The following EDIL3 variants were observed in gnomAD, a reference collection of about 807,000 sequenced individuals.
EDIL3 encodes the protein EGF-like repeat and discoidin I-like domain-containing protein 3.
In EDIL3, 37 loss-of-function variants were observed where a neutral mutation model predicts 67.4. That is an observed-to-expected ratio of 0.55 (90% CI 0.42 to 0.72). The LOEUF is 0.72. Ranked by LOEUF, EDIL3 falls within the 30% of genes least tolerant of loss-of-function variation. EDIL3 has a pLI of 0.00. For synonymous variants in EDIL3, 195 were observed against 196.3 expected, an observed-to-expected ratio of 0.99 and a Z score of 0.05; for missense variants, 527 against 586.3, an observed-to-expected ratio of 0.90 and a Z score of 1.04.
At chr5:84,145,891 C>T in intron 4 of EDIL3, among the ~76,000 whole-genome samples, 1 of 151,912 alleles carries the variant, frequency 6.6e-6, no homozygotes, top group Non-Finnish European at 1.5e-5. Flanking sequence ...TTTTTTCTTC[C>T]CTTTCCTATG....
chr5:84,374,325 T>TGA (rs1747920052), intron 1 of EDIL3, among the ~76,000 whole-genome samples: 2 of 152,174 alleles, frequency 1.3e-5, no homozygotes, highest in Admixed American at 1.3e-4. Context: ...ACTTACTCCT[T>TGA]GAATTCCAGG....
At chr5:84,325,458 G>A (rs1001623512) in intron 1 of EDIL3, among the ~76,000 whole-genome samples, 3 of 151,538 alleles carry the variant, frequency 2.0e-5, no homozygotes, top group African/African-American at 7.3e-5. Context: ...CCATTAGGAT[G>A]ATTATAATAA....
intron 3 of EDIL3, among the ~76,000 whole-genome samples, chr5:84,208,925 T>C (rs1744051621): frequency 6.6e-6 from 1 of 151,526 alleles, no homozygotes; most frequent in Admixed American, 6.6e-5. Flanking sequence ...CACATGCACA[T>C]CTATGTTTAT....
chr5:84,352,191 G>A (rs543337890), intron 1 of EDIL3, among the ~76,000 whole-genome samples: 32 of 152,206 alleles, frequency 2.1e-4, no homozygotes, highest in Non-Finnish European at 3.2e-4. Flanking sequence ...TTGGTGAAAT[G>A]TAAATTAGTA....
chr5:84,066,753 G>T, intron 6 of EDIL3, 147 bp from the exon 7 acceptor site: 1 of 1,048,516 alleles, frequency 9.5e-7, no homozygotes, highest in Non-Finnish European at 1.3e-6. Flanking sequence ...GTTTACAATA[G>T]GCATATATTA....
intron 5 of EDIL3, among the ~76,000 whole-genome samples, chr5:84,112,709 C>T (rs1047148344): frequency 6.6e-6 from 1 of 152,188 alleles, no homozygotes; most frequent in East Asian, 1.9e-4. Context: ...AACTCATCCA[C>T]ATGTTTATGT....
At chr5:84,349,271 T>G (rs1346686327) in intron 1 of EDIL3, among the ~76,000 whole-genome samples, 1 of 152,154 alleles carries the variant, frequency 6.6e-6, no homozygotes, top group Admixed American at 6.6e-5. Flanking sequence ...GGAGTTTAAT[T>G]GACAATAGCC....
intron 6 of EDIL3, among the ~76,000 whole-genome samples, chr5:84,098,100 G>GA (rs34968983): frequency 0.016 from 2,184 of 139,138 alleles, 20 homozygotes; most frequent in African/African-American, 0.031. Context: ...CTAGAAATCT[G>GA]AAAAAAAAAA....
At chr5:84,219,919 T>C (rs1321521310) in intron 3 of EDIL3, among the ~76,000 whole-genome samples, 1 of 151,646 alleles carries the variant, frequency 6.6e-6, no homozygotes, top group Non-Finnish European at 1.5e-5. Flanking sequence ...TTTACGGAGA[T>C]AGAGAGTAGA....
chr5:84,106,791 G>C lies in EDIL3; in HGVS notation c.509C>G (p.Ser170Ter). 1 of 1,610,300 alleles carries C rather than the reference G, an allele frequency of 6.2e-7. No homozygotes were observed. Among genetic ancestry groups the C allele is most frequent in the Non-Finnish European group, 8.5e-7 (1 of 1,178,712 alleles). The change falls in exon 6 of 11, where the codon TCA (serine) becomes TGA (stop). Residue 170 changes from serine to a stop codon, truncating the protein, a stop_gained. Coordinates refer to ENST00000296591, the MANE Select transcript of EDIL3 (RefSeq NM_005711.5). LOFTEE classifies it high-confidence loss of function. ...AGAGGAAGCTGTGATTTGCTGGTTT[G>C]ATATAATTCCACCTTCAATTCCCAG... ...GPLGIEGGII[S>*]NQQITASSTH...
chr5:83,971,121 T>G (rs1000701767), intron 9 of EDIL3, among the ~76,000 whole-genome samples: 13 of 151,778 alleles, frequency 8.6e-5, no homozygotes, highest in African/African-American at 3.1e-4. Flanking sequence ...ATAGATTTAT[T>G]TTTGGTAATG....
chr5:84,206,785 A>C (rs1018450415), intron 3 of EDIL3, among the ~76,000 whole-genome samples: 24 of 152,142 alleles, frequency 1.6e-4, no homozygotes, highest in African/African-American at 5.3e-4. Flanking sequence ...AACAGAACCA[A>C]AGACAAAAAC....
At chr5:84,040,082 AAC>A (rs1244051754) in intron 9 of EDIL3, among the ~76,000 whole-genome samples, 15 of 152,210 alleles carry the variant, frequency 9.9e-5, no homozygotes, top group Non-Finnish European at 1.6e-4. Context: ...TTGAGATAGT[AAC>A]AGATGGATTT....
chr5:84,161,910 T>C (rs1189520288), intron 4 of EDIL3, among the ~76,000 whole-genome samples: 1 of 152,196 alleles, frequency 6.6e-6, no homozygotes, highest in Non-Finnish European at 1.5e-5. Flanking sequence ...TTTAGAACTC[T>C]AAATTTAGAA....
intron 1 of EDIL3, among the ~76,000 whole-genome samples, chr5:84,320,984 T>G (rs540636793): frequency 6.6e-6 from 1 of 152,332 alleles, no homozygotes; most frequent in East Asian, 1.9e-4. Context: ...TACTTAATGC[T>G]ATTAGATGAT....
intron 9 of EDIL3, among the ~76,000 whole-genome samples, chr5:84,033,683 G>A (rs920352992): frequency 1.5e-5 from 2 of 133,356 alleles, no homozygotes; most frequent in African/African-American, 5.8e-5. Context: ...CAACCTGGGC[G>A]ACAGAGCCAG....
intron 10 of EDIL3, among the ~76,000 whole-genome samples, chr5:83,962,371 C>G (rs535899117): frequency 6.6e-6 from 1 of 151,348 alleles, no homozygotes; most frequent in African/African-American, 2.4e-5. Flanking sequence ...CTCTAAGCAA[C>G]GAATTAACTT....
intron 9 of EDIL3, among the ~76,000 whole-genome samples, chr5:84,046,145 T>C (rs1746220231): frequency 6.6e-6 from 1 of 152,206 alleles, no homozygotes; most frequent in African/African-American, 2.4e-5. Context: ...GGAATTGCAT[T>C]TTCCAAATAT....
At chr5:84,336,169 G>A (rs1746981260) in intron 1 of EDIL3, among the ~76,000 whole-genome samples, 1 of 152,162 alleles carries the variant, frequency 6.6e-6, no homozygotes, top group Non-Finnish European at 1.5e-5. Flanking sequence ...TACAATGAAT[G>A]GGTAAGAGAA....
Sources: gnomAD v4.1 joint callset for allele counts (sites outside exome capture counted in the v4.1 genomes callset) on GRCh38, gnomAD v4.1.1 for gene constraint, MANE v1.5 for transcripts, NCBI Gene and HGNC (gene_info 2026-07-23, HGNC 2026-07-21) for gene names.